The following NHS variants were observed in gnomAD, a reference collection of about 807,000 sequenced individuals.
NHS encodes NHS actin remodeling regulator.
A neutral mutation model predicts 72.5 loss-of-function variants in NHS; 5 were observed. The ratio of observed to expected loss-of-function variants is 0.07; its 90% CI spans 0.04 to 0.14. The LOEUF is 0.14. NHS is among the 10% of genes least tolerant of loss of function. The pLI is 1.00. For missense variants in NHS, 1,072 were observed against 1,355.7 expected, an observed-to-expected ratio of 0.79 and a Z score of 3.29; for synonymous variants, 464 against 547.7, an observed-to-expected ratio of 0.85 and a Z score of 2.13.
intron 1 of NHS, among the ~76,000 whole-genome samples, chrX:17,447,991 G>A (rs1356332941): frequency 1.8e-5 from 2 of 111,528 alleles, no homozygotes; most frequent in South Asian, 3.8e-4. Context: ...TAGCTCCATC[G>A]CTGTTCCATT....
At position 17,726,040 on chromosome X, in the gene NHS, C is replaced by T; in HGVS notation, c.1934C>T (p.Thr645Ile). The change falls in exon 7 of 9, where the codon ACC (threonine) becomes ATC (isoleucine). Residue 645 changes from threonine to isoleucine, a missense_variant. Coordinates refer to ENST00000676302, the MANE Select transcript of NHS (RefSeq NM_001291867.2). ...SGSSSTCPSQ[T>I]SETIPPAASP... is the part of the protein sequence containing the mutation. ...AGCAGCTCCACGTGCCCCTCGCAGA[C>T]CTCAGAAACCATCCCTCCTGCAGCT... 2 of 1,211,756 alleles carry T rather than the reference C, an allele frequency of 1.7e-6. No individual in the cohort carries two copies. The highest frequency in any genetic ancestry group is 3.5e-5 in the South Asian group (2 of 57,003).
chrX:17,406,647 C>T (rs558051138), intron 1 of NHS, among the ~76,000 whole-genome samples: 4 of 111,559 alleles, frequency 3.6e-5, no homozygotes, highest in African/African-American at 6.5e-5. Context: ...AACAAAACAC[C>T]ACGGAGCTAG....
Position 17,725,816 on chromosome X carries a change from C to T in NHS, c.1710C>T (p.His570=), listed in dbSNP as rs371680365. The T allele has an allele frequency of 1.6e-5, 19 of 1,209,719 alleles. No individual in the cohort carries two copies. The African/African-American group carries it at 3.3e-4, about 21-fold the overall frequency. The change falls in exon 7 of 9, where the codon CAC becomes CAT. Residue 570 remains histidine (H), a synonymous_variant. Coordinates refer to ENST00000676302, the MANE Select transcript of NHS (RefSeq NM_001291867.2). ...TLGLACSQHL[H]SPQHKLSERG... ...GCCTGGCCTGCTCTCAACATCTTCA[C>T]AGCCCCCAGCACAAATTAAGTGAGA...
chrX:17,578,278 G>T (rs1030515429), intron 1 of NHS, among the ~76,000 whole-genome samples: 2 of 112,095 alleles, frequency 1.8e-5, no homozygotes, highest in Non-Finnish European at 3.8e-5. Context: ...TATATTCTCA[G>T]TAACTATGAA....
intron 1 of NHS, among the ~76,000 whole-genome samples, chrX:17,684,880 C>A (rs1434713613): frequency 8.9e-6 from 1 of 111,792 alleles, no homozygotes; most frequent in African/African-American, 3.3e-5. Flanking sequence ...AGAGGAAAAA[C>A]CTTCTTGCTT....
At chrX:17,439,337 T>A (rs1396360884) in intron 1 of NHS, among the ~76,000 whole-genome samples, 1 of 111,501 alleles carries the variant, frequency 9.0e-6, no homozygotes, top group Non-Finnish European at 1.9e-5. Context: ...CCACCAAGAT[T>A]AAGAAATAAA....
intron 3 of NHS, among the ~76,000 whole-genome samples, chrX:17,712,288 TATACAC>T (rs2066337374): frequency 1.3e-5 from 1 of 74,135 alleles, no homozygotes; most frequent in Non-Finnish European, 2.5e-5. Flanking sequence ...TATATATATA[TATACAC>T]ACACACACAC....
intron 1 of NHS, among the ~76,000 whole-genome samples, chrX:17,665,614 C>T (rs1374765649): frequency 9.0e-6 from 1 of 111,102 alleles, no homozygotes; most frequent in African/African-American, 3.3e-5. Context: ...GGCGTGAGTA[C>T]CTATAGATTT....
intron 1 of NHS, among the ~76,000 whole-genome samples, chrX:17,623,893 T>C (rs775426383): frequency 3.6e-5 from 4 of 112,492 alleles, no homozygotes; most frequent in South Asian, 7.4e-4. Context: ...AGCCACACCC[T>C]GGGCCTTCAC....
At chrX:17,438,158 A>G (rs1452142647) in intron 1 of NHS, among the ~76,000 whole-genome samples, 1 of 112,141 alleles carries the variant, frequency 8.9e-6, no homozygotes, top group African/African-American at 3.2e-5. Context: ...TAAAATGCAG[A>G]TTCAGTAGAT....
chrX:17,581,549 A>G (rs1395298760), intron 1 of NHS, among the ~76,000 whole-genome samples: 1 of 112,117 alleles, frequency 8.9e-6, no homozygotes, highest in Admixed American at 9.4e-5. Context: ...GAATTGGCTA[A>G]TAATTCCAAC....
chrX:17,384,554 A>G (rs1274144848), intron 1 of NHS, among the ~76,000 whole-genome samples: 4 of 112,363 alleles, frequency 3.6e-5, no homozygotes, highest in African/African-American at 9.7e-5. Context: ...GATGATAATG[A>G]TAAAGATTTC....
In NHS at chrX:17,721,595, A is replaced by G. The variant is rs1188690443; in HGVS notation, c.1070A>G (p.Gln357Arg). ...TPEEKMKQDAQVISSCIIPIN... is the reference protein window; with the variant it reads ...TPEEKMKQDARVISSCIIPIN... The stretch of plus-strand genomic sequence containing the variant: ...GAGGAGAAGATGAAACAAGATGCCC[A>G]AGTGATTTCTTCTTGCATTATTCCC... The change falls in exon 5 of 9, where the codon CAA (glutamine) becomes CGA (arginine). Residue 357 changes from glutamine (Q) to arginine (R), a missense_variant. Physicochemically the swap from Gln to Arg is conservative, Grantham distance 43. Transcript: ENST00000676302. The G allele has an allele frequency of 7.4e-6, 9 of 1,209,726 alleles. No individual in the cohort carries two copies. The highest frequency in any genetic ancestry group is 1.0e-5 in the Non-Finnish European group (9 of 895,018).
Position 17,408,855 on chromosome X carries a change from T to C in NHS, c.565+32533T>C, listed in dbSNP as rs181138382. Among the ~76,000 whole-genome samples the C allele has an allele frequency of 3.6e-5, 4 of 111,765 alleles. No individual in the cohort carries two copies. The East Asian group carries it at 1.1e-3, about 31-fold the overall frequency. ...GTCCAAGATCAAGGTGACTGCCAATTCAGTTTCTGGTGAGGGCCCTTTTCT... is the reference window on the plus strand; with the variant it reads ...GTCCAAGATCAAGGTGACTGCCAATCCAGTTTCTGGTGAGGGCCCTTTTCT... On this transcript the variant is annotated intron_variant, in intron 1 of 8. Transcript: ENST00000676302.
intron 1 of NHS, among the ~76,000 whole-genome samples, chrX:17,642,010 A>G (rs747305017): frequency 3.6e-5 from 4 of 111,511 alleles, no homozygotes; most frequent in African/African-American, 1.3e-4. Context: ...CAATGGCACA[A>G]TATCGGCTCA....
chrX:17,579,463 T>TCCC (rs1336603566), intron 1 of NHS, among the ~76,000 whole-genome samples: 3 of 110,429 alleles, frequency 2.7e-5, no homozygotes, highest in African/African-American at 9.9e-5. Context: ...TCTCTCTCTC[T>TCCC]CCCCCTGCTC....
At chrX:17,597,228 T>C (rs1216223648) in intron 1 of NHS, among the ~76,000 whole-genome samples, 1 of 105,310 alleles carries the variant, frequency 9.5e-6, no homozygotes, top group East Asian at 3.1e-4. Context: ...CACGCCATTC[T>C]CCTGCCTCAG....
At chrX:17,595,382 T>C (rs1037190453) in intron 1 of NHS, among the ~76,000 whole-genome samples, 1 of 112,162 alleles carries the variant, frequency 8.9e-6, no homozygotes, top group Non-Finnish European at 1.9e-5. Flanking sequence ...GTTTTGACTT[T>C]AATGGCATTT....
intron 1 of NHS, among the ~76,000 whole-genome samples, chrX:17,663,732 G>A (rs2065994067): frequency 9.0e-6 from 1 of 111,568 alleles, no homozygotes; most frequent in African/African-American, 3.3e-5. Context: ...AAATATCTAG[G>A]AGTGAAATTG....
Sources: allele counts gnomAD v4.1 joint callset (sites outside exome capture counted in the v4.1 genomes callset), GRCh38; gene constraint gnomAD v4.1.1; transcripts MANE v1.5; gene names NCBI Gene and HGNC (gene_info 2026-07-23, HGNC 2026-07-21).